Variants in PALM2AKAP2 observed in about 807,000 individuals in gnomAD.
PALM2AKAP2 encodes PALM2 and AKAP2 fusion, also known as PALM2-AKAP2 fusion protein.
A neutral mutation model predicts 71.5 loss-of-function variants in PALM2AKAP2; 37 were observed. The ratio of observed to expected loss-of-function variants is 0.52; its 90% CI spans 0.40 to 0.68. PALM2AKAP2 has a LOEUF of 0.68. Ranked by LOEUF, PALM2AKAP2 falls within the 30% of genes least tolerant of loss-of-function variation. The probability of loss-of-function intolerance (pLI) is 0.00; values close to 1 mark genes in which losing one functional copy is unlikely to be tolerated. For missense variants in PALM2AKAP2, 1,224 were observed against 1,191.8 expected (o/e 1.03, Z -0.40); for synonymous variants, 468 against 478.8 (o/e 0.98, Z 0.29).
At chr9:110,073,490 G>C (rs1042413813) in intron 1 of PALM2AKAP2, among the ~76,000 whole-genome samples, 1 of 152,154 alleles carries the variant, frequency 6.6e-6, no homozygotes, top group African/African-American at 2.4e-5. Context: ...GGTTAGCCTA[G>C]CTTGTTGTTT....
intron 6 of PALM2AKAP2, among the ~76,000 whole-genome samples, chr9:110,014,798 AAAAAAATGT>A (rs1832942954): frequency 1.7e-5 from 1 of 57,172 alleles, no homozygotes; most frequent in African/African-American, 6.7e-5. Context: ...AAAAAAAAAA[AAAAAAATGT>A]ATATATATAT....
intron 1 of PALM2AKAP2, among the ~76,000 whole-genome samples, chr9:109,710,049 G>A (rs1828208046): frequency 6.6e-6 from 1 of 152,216 alleles, no homozygotes. Flanking sequence ...GATGATGGAA[G>A]CAGAGATTGG....
chr9:110,065,200 CT>C (rs1564286648), intron 1 of PALM2AKAP2, among the ~76,000 whole-genome samples: 1 of 152,094 alleles, frequency 6.6e-6, no homozygotes, highest in Non-Finnish European at 1.5e-5. Context: ...AGTTGTTGTC[CT>C]TTTTTGTCTG....
chr9:109,892,894 CT>C (rs1212391860), intron 3 of PALM2AKAP2, among the ~76,000 whole-genome samples: 1 of 152,106 alleles, frequency 6.6e-6, no homozygotes, highest in Non-Finnish European at 1.5e-5. Context: ...TAGGTTTTGG[CT>C]TTTATTATAA....
chr9:109,780,215 G>A, upstream of PALM2AKAP2: 1 of 987,740 alleles, frequency 1.0e-6, no homozygotes, highest in South Asian at 4.7e-5. Flanking sequence ...GTCCTCGGCT[G>A]GCGCGGCCGG....
intron 7 of PALM2AKAP2, among the ~76,000 whole-genome samples, chr9:110,019,356 A>C (rs1468229688): frequency 6.6e-6 from 1 of 152,152 alleles, no homozygotes; most frequent in Non-Finnish European, 1.5e-5. Context: ...ACAGTTATAC[A>C]CTGTTGGTAG....
At chr9:110,044,354 T>G (rs1324036632), upstream of PALM2AKAP2, among the ~76,000 whole-genome samples, 2 of 133,654 alleles carry the variant, frequency 1.5e-5, no homozygotes, top group Admixed American at 7.3e-5. Flanking sequence ...CTTTTTTTTT[T>G]TTTTTTTTTT....
intron 1 of PALM2AKAP2, among the ~76,000 whole-genome samples, chr9:109,786,367 T>C (rs1482577525): frequency 6.6e-6 from 1 of 152,226 alleles, no homozygotes; most frequent in African/African-American, 2.4e-5. Flanking sequence ...CTGTGATTCA[T>C]GTGGGGACCA....
intron 1 of PALM2AKAP2, among the ~76,000 whole-genome samples, chr9:109,797,552 G>A (rs898607618): frequency 6.6e-6 from 1 of 152,174 alleles, no homozygotes; most frequent in African/African-American, 2.4e-5. Context: ...GCAGCAGTGA[G>A]CAGTGGGACT....
intron 1 of PALM2AKAP2, among the ~76,000 whole-genome samples, chr9:110,050,593 C>T (rs980376370): frequency 1.3e-5 from 2 of 151,906 alleles, no homozygotes; most frequent in Non-Finnish European, 2.9e-5. Flanking sequence ...CAGTTTTGAC[C>T]CTTGGCCCTT....
At chr9:109,698,294 T>TTTGG (rs1828003212) in intron 1 of PALM2AKAP2, among the ~76,000 whole-genome samples, 1 of 146,938 alleles carries the variant, frequency 6.8e-6, no homozygotes, top group African/African-American at 2.5e-5. Context: ...TTTTTTTTTT[T>TTTGG]GAGACGGAGT....
At chr9:109,664,056 T>C (rs1564105533) in intron 1 of PALM2AKAP2, among the ~76,000 whole-genome samples, 1 of 152,200 alleles carries the variant, frequency 6.6e-6, no homozygotes, top group Admixed American at 6.5e-5. Flanking sequence ...TCTTCCTCCA[T>C]CCGTTTATTT....
intron 1 of PALM2AKAP2, among the ~76,000 whole-genome samples, chr9:109,737,775 G>T (rs953198850): frequency 1.1e-4 from 17 of 152,192 alleles, no homozygotes; most frequent in African/African-American, 3.9e-4. Flanking sequence ...GGGTTCCAAG[G>T]CTTGTGCTTT....
intron 1 of PALM2AKAP2, among the ~76,000 whole-genome samples, chr9:110,088,317 C>CTA (rs1338979920): frequency 6.6e-6 from 1 of 152,156 alleles, no homozygotes; most frequent in African/African-American, 2.4e-5. Flanking sequence ...AGTTACAAAG[C>CTA]TACACCCTAT....
chr9:109,902,229 T>G (rs1344458929), intron 3 of PALM2AKAP2, among the ~76,000 whole-genome samples: 1 of 152,204 alleles, frequency 6.6e-6, no homozygotes, highest in Admixed American at 6.5e-5. Context: ...CATTTGGCTG[T>G]TGTAAATCTT....
At chr9:109,780,311 C>G (rs1383086152), upstream of PALM2AKAP2, 25 of 1,357,224 alleles carry the variant, frequency 1.8e-5, no homozygotes, top group Non-Finnish European at 2.2e-5. Flanking sequence ...AGGCTGAGCC[C>G]GGGCGAGCCC....
intron 1 of PALM2AKAP2, among the ~76,000 whole-genome samples, chr9:109,678,742 C>CT (rs1564110189): frequency 6.6e-6 from 1 of 152,056 alleles, no homozygotes; most frequent in African/African-American, 2.4e-5. Flanking sequence ...GTTTTCTTTT[C>CT]TTTTTTTCTG....
chr9:109,777,342 A>T (rs1327875234), upstream of PALM2AKAP2, among the ~76,000 whole-genome samples: 2 of 152,114 alleles, frequency 1.3e-5, no homozygotes, highest in African/African-American at 4.8e-5. Context: ...AGAGACTTTG[A>T]CTAATATTCA....
chr9:109,915,071 C>G (rs1248071740), intron 3 of PALM2AKAP2, among the ~76,000 whole-genome samples: 1 of 152,136 alleles, frequency 6.6e-6, no homozygotes, highest in East Asian at 1.9e-4. Flanking sequence ...TTTGTTTGCC[C>G]CAGATCTTCC....
Sources: gnomAD v4.1 joint callset for allele counts (sites outside exome capture counted in the v4.1 genomes callset) on GRCh38, gnomAD v4.1.1 for gene constraint, MANE v1.5 for transcripts, NCBI Gene and HGNC (gene_info 2026-07-23, HGNC 2026-07-21) for gene names.